The following GALNTL6 variants were observed in gnomAD, a reference collection of about 807,000 sequenced individuals.
The protein encoded by GALNTL6 is polypeptide N-acetylgalactosaminyltransferase like 6, also known as polypeptide N-acetylgalactosaminyltransferase-like 6.
A neutral mutation model predicts 73.7 loss-of-function variants in GALNTL6; 46 were observed. That is an observed-to-expected ratio of 0.62 (90% CI 0.49 to 0.80). The LOEUF (loss-of-function observed/expected upper bound fraction) is 0.80, where lower values mean the gene tolerates loss of function less well. Among genes scored for constraint, GALNTL6 ranks in the 30% least tolerant of loss-of-function variants. GALNTL6 has a pLI of 0.00. For synonymous variants in GALNTL6, 259 were observed against 263.7 expected, an observed-to-expected ratio of 0.98 and a Z score of 0.17; for missense variants, 604 against 755.0, an observed-to-expected ratio of 0.80 and a Z score of 2.34.
intron 2 of GALNTL6, among the ~76,000 whole-genome samples, chr4:172,142,099 A>G (rs1332300891): frequency 6.6e-6 from 1 of 152,042 alleles, no homozygotes; most frequent in Admixed American, 6.6e-5. Flanking sequence ...GGTCTCTGGT[A>G]CACCGTTATT....
intron 10 of GALNTL6, among the ~76,000 whole-genome samples, chr4:172,961,933 A>C (rs988612999): frequency 6.6e-6 from 1 of 152,210 alleles, no homozygotes; most frequent in African/African-American, 2.4e-5. Context: ...CCACCAAACA[A>C]GCTTTGTGTG....
At chr4:171,894,495 T>C (rs1253496616) in intron 2 of GALNTL6, among the ~76,000 whole-genome samples, 1 of 152,192 alleles carries the variant, frequency 6.6e-6, no homozygotes, top group Admixed American at 6.5e-5. Flanking sequence ...ATAATTAAAA[T>C]GAAAGTGAAA....
intron 5 of GALNTL6, among the ~76,000 whole-genome samples, chr4:172,428,557 C>A (rs899494406): frequency 6.6e-6 from 1 of 152,204 alleles, no homozygotes; most frequent in Non-Finnish European, 1.5e-5. Flanking sequence ...AGGCTAATAG[C>A]TGCCAAATCT....
intron 5 of GALNTL6, among the ~76,000 whole-genome samples, chr4:172,407,249 A>G (rs1744269622): frequency 6.6e-6 from 1 of 152,056 alleles, no homozygotes; most frequent in South Asian, 2.1e-4. Context: ...CACAGGATCA[A>G]TAATCTGATT....
In GALNTL6 at chr4:172,511,079, C is replaced by CT. The variant is rs1459863965; in HGVS notation, c.553+162397dup. On this transcript the variant is annotated intron_variant, in intron 5 of 12. Transcript: ENST00000506823. The stretch of plus-strand genomic sequence containing the variant: ...AGCTGTGAATCCAGCTGGTCCTGAA[C>CT]TTTTTTTGTTGATAACTTTTTTAAT... Among the ~76,000 whole-genome samples the CT allele has an allele frequency of 1.1e-4, 6 of 55,028 alleles. 3 individuals carry two copies. The highest frequency in any genetic ancestry group is 2.5e-4 in the Non-Finnish European group (6 of 23,710). The allele number at this position is 55,028 out of a possible 152,430, so 36.1% of individuals were successfully genotyped here. A position where few individuals can be genotyped will look rare whatever the true frequency, so the allele number is the denominator to read the frequency against.
rs1278811343 is a variant in GALNTL6 at position 172,264,612 on chromosome 4, TATA to T, written c.247+34852_247+34854del. On this transcript the variant is annotated intron_variant, in intron 3 of 12. Coordinates refer to ENST00000506823, the MANE Select transcript of GALNTL6 (RefSeq NM_001034845.3). ...TATATATTTGGCATATATATACACA[TATA>T]ATATATTTGGCATATATTATATGTG... Among the ~76,000 whole-genome samples the T allele has an allele frequency of 5.2e-3, 299 of 57,076 alleles. 1 individual carries two copies. The highest frequency in any genetic ancestry group is 9.3e-3 in the Non-Finnish European group (233 of 24,940). The allele number at this position is 57,076 out of a possible 152,430, so 37.4% of individuals were successfully genotyped here.
At chr4:172,932,546 C>T (rs1748405500) in intron 9 of GALNTL6, among the ~76,000 whole-genome samples, 1 of 152,112 alleles carries the variant, frequency 6.6e-6, no homozygotes, top group South Asian at 2.1e-4. Flanking sequence ...TTACACACAC[C>T]TTGAATGGAA....
chr4:172,081,257 A>G (rs1696946834), intron 2 of GALNTL6, among the ~76,000 whole-genome samples: 1 of 152,234 alleles, frequency 6.6e-6, no homozygotes, highest in Non-Finnish European at 1.5e-5. Context: ...AGGAAGCTGC[A>G]TCTGGCATTT....
At chr4:171,903,167 G>A (rs569264368) in intron 2 of GALNTL6, among the ~76,000 whole-genome samples, 10 of 152,198 alleles carry the variant, frequency 6.6e-5, no homozygotes, top group South Asian at 4.1e-4. Flanking sequence ...GAACAGCTCC[G>A]GTCTGCAGCT....
chr4:172,882,759 T>G (rs199943921), intron 7 of GALNTL6, 31 bp from the exon 8 acceptor site: 6 of 1,306,498 alleles, frequency 4.6e-6, no homozygotes, highest in Non-Finnish European at 6.7e-6. Context: ...ACGTTCATAG[T>G]CCTTTAAAGA....
chr4:172,206,134 A>G (rs1736102829), intron 2 of GALNTL6, among the ~76,000 whole-genome samples: 1 of 152,148 alleles, frequency 6.6e-6, no homozygotes. Context: ...ATTTCTAGTG[A>G]GAAAACATTT....
At chr4:172,562,456 A>G (rs1252791726) in intron 5 of GALNTL6, among the ~76,000 whole-genome samples, 1 of 152,200 alleles carries the variant, frequency 6.6e-6, no homozygotes, top group East Asian at 1.9e-4. Flanking sequence ...GCCTTTCTGT[A>G]TAACTCCCCC....
At chr4:172,256,656 C>T (rs184876466) in intron 3 of GALNTL6, among the ~76,000 whole-genome samples, 2 of 151,308 alleles carry the variant, frequency 1.3e-5, no homozygotes, top group African/African-American at 4.8e-5. Flanking sequence ...TCCACTGACT[C>T]TTTTCTCTAC....
chr4:172,172,383 G>A (rs1734858276), intron 2 of GALNTL6, among the ~76,000 whole-genome samples: 1 of 152,114 alleles, frequency 6.6e-6, no homozygotes, highest in South Asian at 2.1e-4. Context: ...TTTTAGTAGA[G>A]ATGAGGTTTC....
chr4:172,063,274 A>C (rs1016189199), intron 2 of GALNTL6, among the ~76,000 whole-genome samples: 22 of 152,184 alleles, frequency 1.4e-4, no homozygotes, highest in African/African-American at 3.9e-4. Context: ...TCTCAATATA[A>C]TCTTTCACAT....
At chr4:172,488,657 A>G (rs1426484513) in intron 5 of GALNTL6, among the ~76,000 whole-genome samples, 1 of 152,084 alleles carries the variant, frequency 6.6e-6, no homozygotes, top group East Asian at 1.9e-4. Context: ...CTTGTATTCT[A>G]TTGCTTGAAG....
At chr4:172,049,343 G>T (rs992686427) in intron 2 of GALNTL6, among the ~76,000 whole-genome samples, 2 of 152,056 alleles carry the variant, frequency 1.3e-5, no homozygotes, top group African/African-American at 2.4e-5. Flanking sequence ...TGAACAAAAA[G>T]AAACAGTAGA....
intron 5 of GALNTL6, among the ~76,000 whole-genome samples, chr4:172,450,672 A>T (rs554986923): frequency 6.6e-6 from 1 of 152,104 alleles, no homozygotes; most frequent in Non-Finnish European, 1.5e-5. Context: ...TTTTCTCTCC[A>T]TCATCACAGA....
chr4:172,421,473 T>C (rs1228326471), intron 5 of GALNTL6, among the ~76,000 whole-genome samples: 1 of 151,866 alleles, frequency 6.6e-6, no homozygotes, highest in Non-Finnish European at 1.5e-5. Context: ...TAGAAAACTT[T>C]TAATGGCTAA....
Sources: gnomAD v4.1 joint callset for allele counts (sites outside exome capture counted in the v4.1 genomes callset) on GRCh38, gnomAD v4.1.1 for gene constraint, MANE v1.5 for transcripts, NCBI Gene and HGNC (gene_info 2026-07-23, HGNC 2026-07-21) for gene names.